The following ATXN10 variants were observed in gnomAD, a reference collection of about 807,000 sequenced individuals.
ATXN10 encodes ataxin-10.
In ATXN10, 28 loss-of-function variants were observed where a neutral mutation model predicts 52.9. The ratio of observed to expected loss-of-function variants is 0.53; its 90% CI spans 0.39 to 0.73. ATXN10 has a LOEUF of 0.73. Ranked by LOEUF, ATXN10 falls within the 30% of genes least tolerant of loss-of-function variation. The pLI, the probability that ATXN10 is intolerant of heterozygous loss-of-function variation, is 0.00. For synonymous variants in ATXN10, 226 were observed against 221.5 expected (o/e 1.02, Z -0.18); for missense variants, 565 against 577.0 (o/e 0.98, Z 0.21).
In ATXN10 at chr22:45,705,625, G is replaced by A. The variant is rs1428416716; in HGVS notation, c.647+2778G>A. Among the ~76,000 whole-genome samples, 6 of 151,982 alleles carry A rather than the reference G, an allele frequency of 3.9e-5. No individual in the cohort carries two copies. The highest frequency in any genetic ancestry group is 8.8e-5 in the Non-Finnish European group (6 of 67,974). Reference sequence around the variant, plus strand: ...TTTTTTTTGTATTTTTAGTAGAGACGGGGTTTCACCATCTTGGCCAGGTTG... The same window carrying A: ...TTTTTTTTGTATTTTTAGTAGAGACAGGGTTTCACCATCTTGGCCAGGTTG... On this transcript the variant is annotated intron_variant, in intron 5 of 11. Coordinates refer to ENST00000252934, the MANE Select transcript of ATXN10 (RefSeq NM_013236.4). This position sits in a 1 kb window ranked among gnomAD's most constrained non-coding sequence, Gnocchi z 5.2.
At chr22:45,812,793 G>T (rs553102304) in intron 10 of ATXN10, among the ~76,000 whole-genome samples, 1 of 152,252 alleles carries the variant, frequency 6.6e-6, no homozygotes, top group South Asian at 2.1e-4. Context: ...GATGCCTTTG[G>T]ATAGGAGTCT....
intron 5 of ATXN10, among the ~76,000 whole-genome samples, chr22:45,709,466 A>T (rs1165722366): frequency 6.6e-6 from 1 of 152,112 alleles, no homozygotes; most frequent in Non-Finnish European, 1.5e-5. Context: ...GGGCTGAAAG[A>T]TGTCATCAGT....
Position 45,730,662 on chromosome 22 carries a change from C to T in ATXN10, c.894+1072C>T, listed in dbSNP as rs186114968. ...ATATTGGCCAGGCTGGTCTTGAACT[C>T]CTGACTTCATGTGATCTGCCTGCCT... On this transcript the variant is annotated intron_variant, in intron 7 of 11. Coordinates refer to ENST00000252934, the MANE Select transcript of ATXN10 (RefSeq NM_013236.4). Among the ~76,000 whole-genome samples the T allele has an allele frequency of 1.9e-3, 293 of 152,326 alleles. 1 individual carries two copies. The highest frequency in any genetic ancestry group is 6.9e-3 in the African/African-American group (285 of 41,576).
At chr22:45,797,403 A>G (rs1180511305) in intron 9 of ATXN10, among the ~76,000 whole-genome samples, 1 of 152,228 alleles carries the variant, frequency 6.6e-6, no homozygotes, top group Admixed American at 6.5e-5. Flanking sequence ...AAAACTATAA[A>G]ATATCTCTAA....
At chr22:45,695,846 C>T (rs1923585965) in intron 3 of ATXN10, among the ~76,000 whole-genome samples, 1 of 152,130 alleles carries the variant, frequency 6.6e-6, no homozygotes, top group Non-Finnish European at 1.5e-5. Flanking sequence ...GGTAGATAGA[C>T]AAGAACTAGA....
intron 10 of ATXN10, among the ~76,000 whole-genome samples, chr22:45,827,527 TAAATC>T (rs1307127988): frequency 6.6e-6 from 1 of 152,158 alleles, no homozygotes; most frequent in Non-Finnish European, 1.5e-5. Flanking sequence ...AAAATGATTT[TAAATC>T]AAATAAAGGT....
rs895899344 is a variant in ATXN10 at position 45,784,126 on chromosome 22, C to G, written c.1174-22833C>G. Among the ~76,000 whole-genome samples the G allele has an allele frequency of 3.9e-5, 6 of 152,062 alleles. No homozygotes were observed. The highest frequency in any genetic ancestry group is 1.2e-4 in the African/African-American group (5 of 41,390). ...CACATTTAATATTATTTCAGCCATT[C>G]TCTCTTTTCTGAAAACCAGAAATAG... On this transcript the variant is annotated intron_variant, in intron 9 of 11. Transcript: ENST00000252934. The surrounding 1 kb of genome is among the most constrained non-coding windows in gnomAD (Gnocchi z 4.2).
At chr22:45,773,828 A>T (rs1223011929) in intron 9 of ATXN10, among the ~76,000 whole-genome samples, 2 of 151,674 alleles carry the variant, frequency 1.3e-5, no homozygotes, top group Admixed American at 6.6e-5. Flanking sequence ...CACAGAAAGA[A>T]AAAAGAAATG....
rs1055425851 is a variant in ATXN10 at position 45,696,814 on chromosome 22, T to C, written c.392-3468T>C. On this transcript the variant is annotated intron_variant, in intron 3 of 11. Transcript: ENST00000252934. This position sits in a 1 kb window ranked among gnomAD's most constrained non-coding sequence, Gnocchi z 4.7. ...ATTACTTTCCACTGAAGCAGGTAGA[T>C]GACCTAAGAAAAAATTTAACGGAGC... Among the ~76,000 whole-genome samples, 4 of 152,236 alleles carry C rather than the reference T, an allele frequency of 2.6e-5. No homozygotes were observed. Among genetic ancestry groups the C allele is most frequent in the African/African-American group, 9.6e-5 (4 of 41,468 alleles).
At position 45,790,136 on chromosome 22, in the gene ATXN10, T is replaced by C. The variant is rs376176624; in HGVS notation, c.1174-16823T>C. On this transcript the variant is annotated intron_variant, in intron 9 of 11. Coordinates refer to ENST00000252934, the MANE Select transcript of ATXN10 (RefSeq NM_013236.4). This position sits in a 1 kb window ranked among gnomAD's most constrained non-coding sequence, Gnocchi z 4.7. ...AAAGTCCAATTCTCTTGCCCATGTG[T>C]GTTCAAATAAATTGAAATTCAAAAT... is the stretch of plus-strand genomic sequence containing the variant. Among the ~76,000 whole-genome samples the C allele has an allele frequency of 5.3e-5, 8 of 152,332 alleles. No individual in the cohort carries two copies. The East Asian group carries it at 9.6e-4, about 18-fold the overall frequency.
Position 45,786,601 on chromosome 22 carries a change from C to T in ATXN10, c.1174-20358C>T, listed in dbSNP as rs1055525051. On this transcript the variant is annotated intron_variant, in intron 9 of 11. Coordinates refer to ENST00000252934, the MANE Select transcript of ATXN10 (RefSeq NM_013236.4). This position sits in a 1 kb window ranked among gnomAD's most constrained non-coding sequence, Gnocchi z 4.1. Reference sequence around the variant, plus strand: ...CGTACCCACTCCAAGTGCAATGCTGCGGGCACATCTCAGCTGGTCAGCAAA... The same window carrying T: ...CGTACCCACTCCAAGTGCAATGCTGTGGGCACATCTCAGCTGGTCAGCAAA... Among the ~76,000 whole-genome samples the T allele has an allele frequency of 6.6e-6, 1 of 152,166 alleles. No homozygotes were observed. Among genetic ancestry groups the T allele is most frequent in the Non-Finnish European group, 1.5e-5 (1 of 68,040 alleles).
chr22:45,808,803 G>A (rs902460025), intron 10 of ATXN10, among the ~76,000 whole-genome samples: 4 of 152,216 alleles, frequency 2.6e-5, no homozygotes, highest in African/African-American at 9.7e-5. Context: ...TCATGTAGTG[G>A]AGAAATGGTT....
In ATXN10 at chr22:45,791,647, A is replaced by G. The variant is rs74804882; in HGVS notation, c.1174-15312A>G. Among the ~76,000 whole-genome samples, 966 of 152,296 alleles carry G rather than the reference A, an allele frequency of 6.3e-3. 7 individuals carry two copies. The highest frequency in any genetic ancestry group is 0.015 in the South Asian group (71 of 4,830). ...AAAGTCTGCCTGAACATGATGTATT[A>G]TTGTAGCATCTTTGATTTAGTTATG... On this transcript the variant is annotated intron_variant, in intron 9 of 11. Coordinates refer to ENST00000252934, the MANE Select transcript of ATXN10 (RefSeq NM_013236.4).
Position 45,738,258 on chromosome 22 carries a change from G to A in ATXN10, c.895-473G>A, listed in dbSNP as rs185476695. Reference sequence around the variant, plus strand: ...CCCAGAAATTATGCAAGTTCTTAAAGCCAGAGTTTTTTCAACCACAGCATT... The same window carrying A: ...CCCAGAAATTATGCAAGTTCTTAAAACCAGAGTTTTTTCAACCACAGCATT... On this transcript the variant is annotated intron_variant, in intron 7 of 11. Transcript: ENST00000252934. Among the ~76,000 whole-genome samples, 535 of 152,258 alleles carry A rather than the reference G, an allele frequency of 3.5e-3. 1 individual carries two copies. Among genetic ancestry groups the A allele is most frequent in the Non-Finnish European group, 6.2e-3 (419 of 68,010 alleles).
chr22:45,817,101 C>G (rs778618175), intron 10 of ATXN10, among the ~76,000 whole-genome samples: 3 of 152,152 alleles, frequency 2.0e-5, no homozygotes, highest in Admixed American at 6.5e-5. Context: ...TTTGGCCATC[C>G]TGACGTTTGT....
intron 1 of ATXN10, among the ~76,000 whole-genome samples, chr22:45,682,404 C>T (rs879752138): frequency 6.6e-6 from 1 of 152,048 alleles, no homozygotes; most frequent in Non-Finnish European, 1.5e-5. Flanking sequence ...ACCTCCCAGG[C>T]ATAAGCAGTT....
chr22:45,722,500 CT>C (rs1443661079), intron 6 of ATXN10, among the ~76,000 whole-genome samples: 1 of 152,140 alleles, frequency 6.6e-6, no homozygotes, highest in Non-Finnish European at 1.5e-5. Flanking sequence ...CTGACTTTGA[CT>C]GCTTCTTTCC....
chr22:45,729,636 G>T, intron 7 of ATXN10, 46 bp downstream of exon 7: 1 of 1,599,946 alleles, frequency 6.3e-7, no homozygotes. Flanking sequence ...AGAATGGACA[G>T]ATTTTCTAAC....
At position 45,718,418 on chromosome 22, in the gene ATXN10, T is replaced by C. The variant is rs774507668; in HGVS notation, c.653T>C (p.Leu218Ser). 9.9e-6 allele frequency: 16 copies of C among 1,613,042 alleles called. No homozygotes were observed. The East Asian group carries it at 1.8e-4, about 18-fold the overall frequency. ...QKHPESEWPF[L>S]IITDLFLKSP... ...TCCTCCTCTTTTTTCCCTAGGTTCT[T>C]GATTATTACAGACCTCTTTCTGAAA... is the stretch of plus-strand genomic sequence containing the variant. Residue 218 changes from leucine (L) to serine (S), a missense_variant, in exon 6 of 12, where the codon TTG (leucine) becomes TCG (serine). Physicochemically the swap from Leu to Ser is moderately radical, Grantham distance 145 (BLOSUM62 -2). Coordinates refer to ENST00000252934, the MANE Select transcript of ATXN10 (RefSeq NM_013236.4). The surrounding 1 kb of genome is among the most constrained non-coding windows in gnomAD (Gnocchi z 4.4).
Sources: gnomAD v4.1 joint callset for allele counts (sites outside exome capture counted in the v4.1 genomes callset) on GRCh38, gnomAD v4.1.1 for gene constraint, Gnocchi (gnomAD v3.1) non-coding constraint, MANE v1.5 for transcripts, NCBI Gene and HGNC (gene_info 2026-07-23, HGNC 2026-07-21) for gene names.